Variants in CDH18 observed in about 807,000 individuals in gnomAD.
CDH18 encodes the protein cadherin 18, also known as cadherin-18.
A neutral mutation model predicts 67.9 loss-of-function variants in CDH18; 31 were observed. That is an observed-to-expected ratio of 0.46 (90% CI 0.34 to 0.62). The LOEUF is 0.62. Ranked by LOEUF, CDH18 falls within the 20% of genes least tolerant of loss-of-function variation. The probability of loss-of-function intolerance (pLI) is 0.01; values close to 1 mark genes in which losing one functional copy is unlikely to be tolerated. For synonymous variants in CDH18, 362 were observed against 347.2 expected (o/e 1.04, Z -0.48); for missense variants, 890 against 975.5 (o/e 0.91, Z 1.17).
intron 2 of CDH18, among the ~76,000 whole-genome samples, chr5:19,937,760 C>T (rs1248718092): frequency 6.6e-6 from 1 of 150,722 alleles, no homozygotes; most frequent in African/African-American, 2.4e-5. Flanking sequence ...AGAAATACTA[C>T]ATCCTTGAAG....
chr5:20,220,391 T>G (rs1741131150), intron 2 of CDH18, among the ~76,000 whole-genome samples: 1 of 152,014 alleles, frequency 6.6e-6, no homozygotes, highest in Non-Finnish European at 1.5e-5. Flanking sequence ...ATAGTCGCTT[T>G]TATACATAGT....
intron 1 of CDH18, among the ~76,000 whole-genome samples, chr5:20,562,445 A>C (rs957049818): frequency 6.6e-6 from 1 of 151,754 alleles, no homozygotes. Context: ...GGGTTAGTAA[A>C]CATTTTAATA....
chr5:20,205,977 G>A (rs1451025792), intron 2 of CDH18, among the ~76,000 whole-genome samples: 1 of 151,656 alleles, frequency 6.6e-6, no homozygotes, highest in Non-Finnish European at 1.5e-5. Context: ...AATTAATACA[G>A]GGGATGAAAT....
At chr5:19,556,707 G>A (rs1738505746) in intron 8 of CDH18, among the ~76,000 whole-genome samples, 2 of 152,106 alleles carry the variant, frequency 1.3e-5, no homozygotes, top group South Asian at 2.1e-4. Context: ...ACATTTGAGG[G>A]AATAATTGCA....
chr5:20,230,088 C>G (rs1741944476), intron 2 of CDH18, among the ~76,000 whole-genome samples: 1 of 152,102 alleles, frequency 6.6e-6, no homozygotes, highest in Non-Finnish European at 1.5e-5. Flanking sequence ...TTTTTCTAAA[C>G]TCATTCGACA....
At chr5:20,509,622 T>A (rs10941833) in intron 1 of CDH18, among the ~76,000 whole-genome samples, 45 of 1,788 alleles carry the variant, frequency 0.025, 1 homozygote, top group African/African-American at 0.029. Flanking sequence ...GGTTTCACCA[T>A]GTTGGCCAGG....
At chr5:19,674,123 ATG>A (rs1190213592) in intron 5 of CDH18, among the ~76,000 whole-genome samples, 2 of 152,066 alleles carry the variant, frequency 1.3e-5, no homozygotes, top group African/African-American at 4.8e-5. Flanking sequence ...TCCTACATTT[ATG>A]TGTTAGTGAA....
chr5:20,149,735 G>A (rs529414220), intron 2 of CDH18, among the ~76,000 whole-genome samples: 34 of 152,184 alleles, frequency 2.2e-4, no homozygotes, highest in African/African-American at 7.5e-4. Context: ...ACTTTAAAAA[G>A]TCTATTCTGC....
chr5:19,488,671 G>A (rs1015455915), intron 11 of CDH18, among the ~76,000 whole-genome samples: 3 of 151,960 alleles, frequency 2.0e-5, no homozygotes, highest in African/African-American at 4.8e-5. Context: ...TTCCATAATC[G>A]GTACTTGATT....
intron 9 of CDH18, among the ~76,000 whole-genome samples, chr5:19,532,977 C>A (rs1031893217): frequency 4.6e-5 from 7 of 152,126 alleles, no homozygotes; most frequent in Non-Finnish European, 8.8e-5. Flanking sequence ...GAGTTTGAGA[C>A]CTCCAGGAGG....
intron 1 of CDH18, among the ~76,000 whole-genome samples, chr5:20,547,702 G>T (rs1248020428): frequency 2.0e-5 from 3 of 152,100 alleles, no homozygotes; most frequent in African/African-American, 7.2e-5. Context: ...AGACAATTTG[G>T]ACAAACTTTC....
intron 2 of CDH18, among the ~76,000 whole-genome samples, chr5:19,957,077 G>T (rs1029250853): frequency 2.0e-5 from 3 of 151,908 alleles, no homozygotes; most frequent in Non-Finnish European, 4.4e-5. Context: ...CTGTTTCTCA[G>T]TTTAGTAAAG....
At chr5:19,545,179 T>C (rs1392565800) in intron 8 of CDH18, among the ~76,000 whole-genome samples, 5 of 152,320 alleles carry the variant, frequency 3.3e-5, no homozygotes, top group African/African-American at 1.2e-4. Context: ...TTAAGTAATA[T>C]TTTATCTAGA....
chr5:19,640,912 G>T (rs1279516162), intron 5 of CDH18, among the ~76,000 whole-genome samples: 1 of 151,740 alleles, frequency 6.6e-6, no homozygotes, highest in Non-Finnish European at 1.5e-5. Context: ...TTTTGTGAAA[G>T]ATAATATTGA....
At chr5:19,670,816 G>T (rs1758642678) in intron 5 of CDH18, among the ~76,000 whole-genome samples, 1 of 152,072 alleles carries the variant, frequency 6.6e-6, no homozygotes, top group Non-Finnish European at 1.5e-5. Flanking sequence ...ATAAAGAAGA[G>T]TTGACAGACT....
intron 5 of CDH18, among the ~76,000 whole-genome samples, chr5:19,698,348 T>C (rs1463714480): frequency 2.0e-5 from 3 of 152,188 alleles, no homozygotes; most frequent in Non-Finnish European, 2.9e-5. Flanking sequence ...ATGGACCATA[T>C]GTTACAATTT....
intron 2 of CDH18, among the ~76,000 whole-genome samples, chr5:20,115,642 C>T (rs923543725): frequency 1.3e-5 from 2 of 151,926 alleles, no homozygotes; most frequent in Admixed American, 6.6e-5. Flanking sequence ...ATAGGCATTT[C>T]GTGGGAACAC....
At chr5:20,037,176 T>C (rs1231231979) in intron 2 of CDH18, among the ~76,000 whole-genome samples, 1 of 152,128 alleles carries the variant, frequency 6.6e-6, no homozygotes, top group African/African-American at 2.4e-5. Flanking sequence ...GCTGGTTATT[T>C]TGCCCATTAG....
intron 10 of CDH18, among the ~76,000 whole-genome samples, chr5:19,519,849 G>A (rs1746609888): frequency 6.6e-6 from 1 of 152,082 alleles, no homozygotes; most frequent in Admixed American, 6.6e-5. Flanking sequence ...GTTCCCAACA[G>A]CCCTATGAAC....
Sources: gnomAD v4.1 joint callset for allele counts (sites outside exome capture counted in the v4.1 genomes callset) on GRCh38, gnomAD v4.1.1 for gene constraint, MANE v1.5 for transcripts, NCBI Gene and HGNC (gene_info 2026-07-23, HGNC 2026-07-21) for gene names.